Variants in ADAMTSL3 observed in about 807,000 individuals in gnomAD.
ADAMTSL3 encodes the protein ADAMTS-like protein 3.
Under a neutral mutation model 201.7 loss-of-function variants are expected in ADAMTSL3, and 128 were observed. The observed-to-expected ratio is 0.63, with a 90% CI of 0.55 to 0.73. The LOEUF is 0.73. ADAMTSL3 is among the 30% of genes least tolerant of loss of function. The pLI, the probability that ADAMTSL3 is intolerant of heterozygous loss-of-function variation, is 0.00. For missense variants in ADAMTSL3, 1,990 were observed against 2,119.6 expected (o/e 0.94, Z 1.20); for synonymous variants, 738 against 748.4 (o/e 0.99, Z 0.23).
chr15:83,822,249 C>T (rs2063889511), intron 6 of ADAMTSL3, among the ~76,000 whole-genome samples: 2 of 147,758 alleles, frequency 1.4e-5, no homozygotes, highest in South Asian at 2.2e-4. Context: ...GGGGTGGCTG[C>T]TGGGCGGAGG....
intron 20 of ADAMTSL3, among the ~76,000 whole-genome samples, chr15:83,981,552 G>A (rs1306370718): frequency 6.6e-6 from 1 of 152,216 alleles, no homozygotes; most frequent in East Asian, 1.9e-4. Context: ...TGAGGAAACT[G>A]AGGCTCAGAG....
At chr15:83,917,685 C>T (rs1175847828) in intron 16 of ADAMTSL3, among the ~76,000 whole-genome samples, 1 of 151,620 alleles carries the variant, frequency 6.6e-6, no homozygotes, top group Non-Finnish European at 1.5e-5. Context: ...TTATGTTTTC[C>T]AACAACACAG....
intron 3 of ADAMTSL3, among the ~76,000 whole-genome samples, chr15:83,708,637 G>A (rs1256658113): frequency 6.6e-6 from 1 of 152,194 alleles, no homozygotes; most frequent in Non-Finnish European, 1.5e-5. Flanking sequence ...ACTATTTAAC[G>A]TTTTGGACTT....
chr15:83,737,023 G>T (rs192932628), intron 3 of ADAMTSL3, among the ~76,000 whole-genome samples: 6 of 152,242 alleles, frequency 3.9e-5, no homozygotes, highest in Non-Finnish European at 7.4e-5. Flanking sequence ...ATATTTTAAA[G>T]TATAGCTAAT....
intron 8 of ADAMTSL3, among the ~76,000 whole-genome samples, chr15:83,863,425 A>T (rs1325581307): frequency 1.3e-5 from 2 of 152,254 alleles, no homozygotes; most frequent in Admixed American, 6.5e-5. Context: ...CTCTCAGACC[A>T]CAGTGCAATC....
At chr15:83,988,575 T>G in intron 21 of ADAMTSL3, 116 bp from the exon 22 acceptor site, 2 of 879,636 alleles carry the variant, frequency 2.3e-6, no homozygotes, top group Non-Finnish European at 3.2e-6. Context: ...TTATCCTTTG[T>G]GAGCTTTGCC....
At chr15:83,772,617 G>A (rs572319856) in intron 3 of ADAMTSL3, among the ~76,000 whole-genome samples, 1 of 151,866 alleles carries the variant, frequency 6.6e-6, no homozygotes, top group Admixed American at 6.6e-5. Flanking sequence ...CTCTCAGGAG[G>A]TTCCACAAAT....
intron 20 of ADAMTSL3, among the ~76,000 whole-genome samples, chr15:83,981,064 A>G (rs546071360): frequency 2.0e-5 from 3 of 152,184 alleles, no homozygotes; most frequent in Non-Finnish European, 4.4e-5. Flanking sequence ...TTAGTCCAGT[A>G]TCTCTTCTGC....
chr15:83,920,346 G>T (rs1056322342), intron 16 of ADAMTSL3, among the ~76,000 whole-genome samples: 1 of 152,234 alleles, frequency 6.6e-6, no homozygotes, highest in East Asian at 1.9e-4. Context: ...TTCCGCTCAG[G>T]CTCCAGTGGT....
At chr15:83,888,868 G>A (rs1362742759) in intron 10 of ADAMTSL3, among the ~76,000 whole-genome samples, 3 of 152,248 alleles carry the variant, frequency 2.0e-5, no homozygotes, top group East Asian at 3.9e-4. Context: ...CTGTCTAGTG[G>A]TTTATAAAAT....
At chr15:83,977,873 C>T (rs1453286311) in intron 20 of ADAMTSL3, among the ~76,000 whole-genome samples, 2 of 152,214 alleles carry the variant, frequency 1.3e-5, no homozygotes, top group East Asian at 1.9e-4. Context: ...TTTCAGAATC[C>T]ACCCACAGCA....
intron 27 of ADAMTSL3, among the ~76,000 whole-genome samples, chr15:84,030,209 T>A (rs940846107): frequency 6.6e-6 from 1 of 152,086 alleles, no homozygotes; most frequent in Non-Finnish European, 1.5e-5. Context: ...GAATGGTAGA[T>A]CTACTGACAG....
intron 17 of ADAMTSL3, among the ~76,000 whole-genome samples, chr15:83,933,182 A>G (rs1270795609): frequency 6.6e-6 from 1 of 152,240 alleles, no homozygotes; most frequent in Non-Finnish European, 1.5e-5. Context: ...AGAGAGCTGA[A>G]AAAATTACCC....
intron 6 of ADAMTSL3, among the ~76,000 whole-genome samples, chr15:83,836,992 AT>A (rs2064283982): frequency 1.3e-5 from 2 of 152,204 alleles, no homozygotes; most frequent in South Asian, 4.1e-4. Context: ...TATGTAAAAT[AT>A]ATGCTTAAGA....
At chr15:83,716,783 C>T (rs1278543823) in intron 3 of ADAMTSL3, among the ~76,000 whole-genome samples, 5 of 152,138 alleles carry the variant, frequency 3.3e-5, no homozygotes, top group African/African-American at 7.2e-5. Context: ...TTCCAATTCT[C>T]AACGCTTTCC....
intron 24 of ADAMTSL3, among the ~76,000 whole-genome samples, chr15:84,015,349 GAA>G (rs2068072458): frequency 6.6e-6 from 1 of 152,188 alleles, no homozygotes; most frequent in South Asian, 2.1e-4. Context: ...GAAAAAACAT[GAA>G]AGAGATTTCT....
At chr15:83,947,472 G>A (rs187798254) in intron 19 of ADAMTSL3, among the ~76,000 whole-genome samples, 192 of 152,132 alleles carry the variant, frequency 1.3e-3, no homozygotes, top group South Asian at 0.01. Context: ...TGCTTTTGAA[G>A]TTATAAGAAA....
intron 10 of ADAMTSL3, among the ~76,000 whole-genome samples, chr15:83,888,237 A>T (rs1011261228): frequency 4.6e-5 from 7 of 152,252 alleles, no homozygotes; most frequent in Non-Finnish European, 1.0e-4. Context: ...GAATTTCAAT[A>T]CATTTGTTCA....
intron 2 of ADAMTSL3, among the ~76,000 whole-genome samples, chr15:83,699,744 C>G (rs1235839328): frequency 6.6e-6 from 1 of 152,200 alleles, no homozygotes; most frequent in Non-Finnish European, 1.5e-5. Flanking sequence ...GACTTCCTTT[C>G]CACTTTGGAG....
Sources: allele counts gnomAD v4.1 joint callset (sites outside exome capture counted in the v4.1 genomes callset), GRCh38; gene constraint gnomAD v4.1.1; transcripts MANE v1.5; gene names NCBI Gene and HGNC (gene_info 2026-07-23, HGNC 2026-07-21).